NPBWR1: variants seen among roughly 807,000 people sequenced by gnomAD.
NPBWR1 encodes the protein neuropeptides B and W receptor 1, also known as neuropeptides B/W receptor type 1.
NPBWR1 carries 4 observed loss-of-function variants against 2.8 expected under a neutral mutation model. That is an observed-to-expected ratio of 1.44 (90% confidence interval 0.71 to 3.29). The LOEUF (loss-of-function observed/expected upper bound fraction) is 3.29. Among genes scored for constraint, NPBWR1 ranks in the 30% most tolerant of loss-of-function variants. The pLI is 0.01. For missense variants in NPBWR1, 545 were observed against 462.5 expected (o/e 1.18, Z -1.64); for synonymous variants, 250 against 224.5 (o/e 1.11, Z -1.02).
Position 52,940,025 on chromosome 8 carries a change from G to C in NPBWR1, c.118G>C (p.Val40Leu), listed in dbSNP as rs200807376. The C allele has an allele frequency of 6.2e-7, 1 of 1,606,088 alleles. No individual in the cohort carries two copies. The highest frequency in any genetic ancestry group is 2.2e-5 in the East Asian group (1 of 44,838). The stretch of plus-strand genomic sequence containing the variant: ...GCTGCCGGCGCCGCTGGCGGTGGCT[G>C]TACCAGTTGTCTACGCGGTGATCTG... ...APLPAPLAVA[V>L]PVVYAVICAV... is the part of the protein sequence containing the mutation. Residue 40 changes from valine to leucine, a missense_variant, in exon 2 of 2, where the codon GTA (valine) becomes CTA (leucine). By Grantham distance (32) the Val-to-Leu change is conservative. Coordinates refer to ENST00000674939, the MANE Select transcript of NPBWR1 (RefSeq NM_005285.5).
chr8:52,940,371 C>T lies in NPBWR1; in HGVS notation c.464C>T (p.Ala155Val), dbSNP rs749951590. 1.2e-6 allele frequency: 2 copies of T among 1,605,154 alleles called. No individual in the cohort carries two copies. The highest frequency in any genetic ancestry group is 1.3e-5 in the African/African-American group (1 of 74,972). The change falls in exon 2 of 2, where the codon GCG becomes GTG. Residue 155 changes from alanine (A) to valine (V), a missense_variant. By Grantham distance (64) the Ala-to-Val change is moderately conservative. Transcript: ENST00000674939. Reference protein sequence around the residue: ...RRVAGRTYSAARAVSLAVWGI... With the variant: ...RRVAGRTYSAVRAVSLAVWGI... The stretch of plus-strand genomic sequence containing the variant: ...GTGGCCGGCCGCACCTACAGCGCCG[C>T]GCGCGCGGTGAGCCTGGCCGTGTGG...
rs1163879449 is a variant in NPBWR1 at position 52,941,059 on chromosome 8, G to T, written c.*165G>T. 2 of 954,638 alleles carry T rather than the reference G, an allele frequency of 2.1e-6. No individual in the cohort carries two copies. Among genetic ancestry groups the T allele is most frequent in the East Asian group, 5.3e-5 (2 of 37,738 alleles). 59.1% of individuals were successfully genotyped at this position (954,638 alleles called of 1,614,324 possible). A position where few individuals can be genotyped will look rare whatever the true frequency, so the allele number is the denominator to read the frequency against. On this transcript the variant is annotated 3_prime_UTR_variant, in exon 2 of 2. Coordinates refer to ENST00000674939, the MANE Select transcript of NPBWR1 (RefSeq NM_005285.5). Reference sequence around the variant, plus strand: ...GGAAGCGCTGCGACTGTGCCCGCAGGTTGACCTTGCCAAGCCCTCCAGGTG... The same window carrying T: ...GGAAGCGCTGCGACTGTGCCCGCAGTTTGACCTTGCCAAGCCCTCCAGGTG...
chr8:52,939,747 G>T lies in NPBWR1; in HGVS notation c.-161G>T. ...CGCGGCGACATTGGGCCGTGGGGTG[G>T]CTGGGAACGGTCCCCTCCTCCGGAA... is the stretch of plus-strand genomic sequence containing the variant. On this transcript the variant is annotated 5_prime_UTR_variant, in exon 2 of 2. Coordinates refer to ENST00000674939, the MANE Select transcript of NPBWR1 (RefSeq NM_005285.5). 2.7e-6 allele frequency: 2 copies of T among 750,214 alleles called. No individual in the cohort carries two copies. Among genetic ancestry groups the T allele is most frequent in the East Asian group, 2.9e-5 (1 of 34,816 alleles). The allele number at this position is 750,214 out of a possible 1,614,324, so 46.5% of individuals were successfully genotyped here.
chr8:52,939,474 A>C, intron 1 of NPBWR1, 108 bp downstream of exon 1: 1 of 161,142 alleles, frequency 6.2e-6, no homozygotes, highest in Non-Finnish European at 1.3e-5. Flanking sequence ...GGTCTACGGA[A>C]GTTTCCTGAA....
In NPBWR1 at chr8:52,941,228, C is replaced by T; in HGVS notation, c.*334C>T. ...CCCCTCCCTGCCCTGCTCCCTGCTGCCCCACCCGAGCCCTGGCAGTCTGGA... is the reference window on the plus strand; with the variant it reads ...CCCCTCCCTGCCCTGCTCCCTGCTGTCCCACCCGAGCCCTGGCAGTCTGGA... On this transcript the variant is annotated 3_prime_UTR_variant, in exon 2 of 2. Coordinates refer to ENST00000674939, the MANE Select transcript of NPBWR1 (RefSeq NM_005285.5). 1 of 281,180 alleles carries T rather than the reference C, an allele frequency of 3.6e-6. No homozygotes were observed. Among genetic ancestry groups the T allele is most frequent in the Non-Finnish European group, 6.6e-6 (1 of 150,806 alleles). 17.4% of individuals were successfully genotyped at this position (281,180 alleles called of 1,614,324 possible). A position where few individuals can be genotyped will look rare whatever the true frequency, so the allele number is the denominator to read the frequency against.
In NPBWR1 at chr8:52,940,438, C is replaced by T. The variant is rs758997404; in HGVS notation, c.531C>T (p.Ala177=). 21 of 1,595,478 alleles carry T rather than the reference C, an allele frequency of 1.3e-5. No individual in the cohort carries two copies. The highest frequency in any genetic ancestry group is 5.1e-5 in the Admixed American group (3 of 58,930). Reference sequence around the variant, plus strand: ...TCGTGCTGCCCTTCGCAGTCTTCGCCCGGCTAGACGACGAGCAGGGCCGGC... The same window carrying T: ...TCGTGCTGCCCTTCGCAGTCTTCGCTCGGCTAGACGACGAGCAGGGCCGGC... ...TLVVLPFAVF[A]RLDDEQGRRQ... is the part of the protein sequence containing the mutation. The change falls in exon 2 of 2, where the codon GCC becomes GCT. Residue 177 remains alanine (A), a synonymous_variant. Transcript: ENST00000674939.
In NPBWR1 at chr8:52,942,451, T is replaced by C. The variant is rs766504876; in HGVS notation, c.*1557T>C. Among the ~76,000 whole-genome samples, 4 of 152,188 alleles carry C rather than the reference T, an allele frequency of 2.6e-5. No individual in the cohort carries two copies. The highest frequency in any genetic ancestry group is 5.9e-5 in the Non-Finnish European group (4 of 68,024). On this transcript the variant is annotated 3_prime_UTR_variant, in exon 2 of 2. Coordinates refer to ENST00000674939, the MANE Select transcript of NPBWR1 (RefSeq NM_005285.5). ...TAATTGATTATGGTGTTTTAAAAGG[T>C]ATTAATCTTTAGGATGAAGTCCAAA...
chr8:52,940,126 C>G lies in NPBWR1; in HGVS notation c.219C>G (p.Asn73Lys). ...CGCCCCGCATGAAGACCGTCACCAA[C>G]CTGTTCATCCTCAACCTGGCCATCG... ...LRAPRMKTVT[N>K]LFILNLAIAD... Residue 73 changes from asparagine (N) to lysine (K), a missense_variant, in exon 2 of 2, where the codon AAC becomes AAG. By Grantham distance (94) the Asn-to-Lys change is moderately conservative. Coordinates refer to ENST00000674939, the MANE Select transcript of NPBWR1 (RefSeq NM_005285.5). 1 of 1,613,274 alleles carries G rather than the reference C, an allele frequency of 6.2e-7. No homozygotes were observed. Among genetic ancestry groups the G allele is most frequent in the Non-Finnish European group, 8.5e-7 (1 of 1,180,004 alleles).
In NPBWR1 at chr8:52,942,669, C is replaced by G; in HGVS notation, c.*1775C>G. Among the ~76,000 whole-genome samples, 1 of 152,192 alleles carries G rather than the reference C, an allele frequency of 6.6e-6. No homozygotes were observed. Among genetic ancestry groups the G allele is most frequent in the Non-Finnish European group, 1.5e-5 (1 of 68,040 alleles). ...CTTGGAATGGGGGGAAGCAAACCCCCTCTCTAATTTTGGTGAATAAGAATT... is the reference window on the plus strand; with the variant it reads ...CTTGGAATGGGGGGAAGCAAACCCCGTCTCTAATTTTGGTGAATAAGAATT... On this transcript the variant is annotated 3_prime_UTR_variant, in exon 2 of 2. Coordinates refer to ENST00000674939, the MANE Select transcript of NPBWR1 (RefSeq NM_005285.5).
In NPBWR1 at chr8:52,940,282, C is replaced by G. The variant is rs1325458370; in HGVS notation, c.375C>G (p.Tyr125Ter). ...AGTACAACACCTTCTCCAGCCTCTA[C>G]TTCCTCACCGTCATGAGCGCCGACC... is the stretch of plus-strand genomic sequence containing the variant. ...IDQYNTFSSL[Y>*]FLTVMSADRY... is the part of the protein sequence containing the mutation. The change falls in exon 2 of 2, where the codon TAC becomes TAG. Residue 125 changes from tyrosine (Y) to a stop codon, truncating the protein, a stop_gained. Coordinates refer to ENST00000674939, the MANE Select transcript of NPBWR1 (RefSeq NM_005285.5). LOFTEE classifies it low-confidence loss of function (END_TRUNC). The G allele has an allele frequency of 1.2e-6, 2 of 1,613,256 alleles. No individual in the cohort carries two copies. Among genetic ancestry groups the G allele is most frequent in the Non-Finnish European group, 1.7e-6 (2 of 1,179,984 alleles).
Position 52,941,678 on chromosome 8 carries a change from T to C in NPBWR1, c.*784T>C, listed in dbSNP as rs138755250. Among the ~76,000 whole-genome samples, 7 of 152,360 alleles carry C rather than the reference T, an allele frequency of 4.6e-5. No individual in the cohort carries two copies. The South Asian group carries it at 6.2e-4, about 14-fold the overall frequency. ...CCTTCTTTCTGTCTGCCCCTACTCC[T>C]TTTCTTTGCCTTTTCCCTTTCCTAT... On this transcript the variant is annotated 3_prime_UTR_variant, in exon 2 of 2. Coordinates refer to ENST00000674939, the MANE Select transcript of NPBWR1 (RefSeq NM_005285.5).
rs1289022446 is a variant in NPBWR1 at position 52,943,387 on chromosome 8, G to T, written c.*2493G>T. ...TAAACTGTTGTATCATTATTTCTAGGTCGTTGCCCTTCATACGAGCATGTA... is the reference window on the plus strand; with the variant it reads ...TAAACTGTTGTATCATTATTTCTAGTTCGTTGCCCTTCATACGAGCATGTA... On this transcript the variant is annotated 3_prime_UTR_variant, in exon 2 of 2. Coordinates refer to ENST00000674939, the MANE Select transcript of NPBWR1 (RefSeq NM_005285.5). Among the ~76,000 whole-genome samples, 1 of 152,172 alleles carries T rather than the reference G, an allele frequency of 6.6e-6. No individual in the cohort carries two copies. Among genetic ancestry groups the T allele is most frequent in the Non-Finnish European group, 1.5e-5 (1 of 68,030 alleles).
In NPBWR1 at chr8:52,940,176, T is replaced by C. The variant is rs1021863184; in HGVS notation, c.269T>C (p.Leu90Pro). ...GCCGACGAGCTCTTCACGCTGGTGC[T>C]GCCCATCAACATCGCCGACTTCCTG... Reference protein sequence around the residue: ...AIADELFTLVLPINIADFLLR... With the variant: ...AIADELFTLVPPINIADFLLR... The change falls in exon 2 of 2, where the codon CTG becomes CCG. Residue 90 changes from leucine (L) to proline (P), a missense_variant. Leu to Pro is a moderately conservative substitution (Grantham distance 98). Transcript: ENST00000674939. The C allele has an allele frequency of 6.2e-7, 1 of 1,613,672 alleles. No individual in the cohort carries two copies.
In NPBWR1 at chr8:52,939,741, G is replaced by A. The variant is rs1860153450; in HGVS notation, c.-167G>A. 2.9e-6 allele frequency: 2 copies of A among 694,614 alleles called. No individual in the cohort carries two copies. The highest frequency in any genetic ancestry group is 1.8e-5 in the African/African-American group (1 of 54,844). 43.0% of individuals were successfully genotyped at this position (694,614 alleles called of 1,614,324 possible). On this transcript the variant is annotated 5_prime_UTR_variant, in exon 2 of 2. Coordinates refer to ENST00000674939, the MANE Select transcript of NPBWR1 (RefSeq NM_005285.5). ...TGAGTCCGCGGCGACATTGGGCCGT[G>A]GGGTGGCTGGGAACGGTCCCCTCCT...
chr8:52,940,408 ACTCGT>A lies in NPBWR1; in HGVS notation c.503_507del (p.Leu168ArgfsTer191), dbSNP rs1251857356. ...GCCTGGCCGTGTGGGGGATCGTCAC[ACTCGT>A]CGTGCTGCCCTTCGCAGTCTTCGCC... On this transcript the variant is annotated frameshift_variant, in exon 2 of 2. Coordinates refer to ENST00000674939, the MANE Select transcript of NPBWR1 (RefSeq NM_005285.5). LOFTEE classifies it low-confidence loss of function (END_TRUNC). The A allele has an allele frequency of 6.2e-7, 1 of 1,601,004 alleles. No homozygotes were observed. Among genetic ancestry groups the A allele is most frequent in the Non-Finnish European group, 8.5e-7 (1 of 1,178,534 alleles).
chr8:52,940,363 C>A lies in NPBWR1; in HGVS notation c.456C>A (p.Tyr152Ter). Residue 152 changes from tyrosine (Y) to a stop codon, truncating the protein, a stop_gained, in exon 2 of 2, where the codon TAC becomes TAA. Transcript: ENST00000674939. LOFTEE classifies it low-confidence loss of function (END_TRUNC). The part of the protein sequence containing the change: ...AESRRVAGRT[Y>*]SAARAVSLAV... ...CGCGCCGGGTGGCCGGCCGCACCTA[C>A]AGCGCCGCGCGCGCGGTGAGCCTGG... 6.2e-7 allele frequency: 1 copy of A among 1,606,080 alleles called. No homozygotes were observed. Among genetic ancestry groups the A allele is most frequent in the Non-Finnish European group, 8.5e-7 (1 of 1,178,718 alleles).
rs1860201596 is a variant in NPBWR1, at chr8:52,941,468, C to T, written c.*574C>T. 1.3e-5 allele frequency among the ~76,000 whole-genome samples: 2 copies of T among 152,178 alleles called. No individual in the cohort carries two copies. Among genetic ancestry groups the T allele is most frequent in the South Asian group, 4.1e-4 (2 of 4,834 alleles). ...CTTGGCCTGGCGCCGCGGGCGGGGA[C>T]CGCTGCCGAGGCCGCCAGCGCCTCT... On this transcript the variant is annotated 3_prime_UTR_variant, in exon 2 of 2. Coordinates refer to ENST00000674939, the MANE Select transcript of NPBWR1 (RefSeq NM_005285.5).
chr8:52,942,123 T>G lies in NPBWR1; in HGVS notation c.*1229T>G, dbSNP rs2128778367. Among the ~76,000 whole-genome samples the G allele has an allele frequency of 6.6e-6, 1 of 152,376 alleles. No individual in the cohort carries two copies. The highest frequency in any genetic ancestry group is 1.5e-5 in the Non-Finnish European group (1 of 68,042). On this transcript the variant is annotated 3_prime_UTR_variant, in exon 2 of 2. Transcript: ENST00000674939. ...CTCCTCTGCTTCCTTGGCTCCGCCTTAGGGAGAGCAGGAAGCAGGGATGAC... is the reference window on the plus strand; with the variant it reads ...CTCCTCTGCTTCCTTGGCTCCGCCTGAGGGAGAGCAGGAAGCAGGGATGAC...
chr8:52,940,795 C>G lies in NPBWR1; in HGVS notation c.888C>G (p.Ser296Arg), dbSNP rs1382953177. ...TCTCCTACTTCATCACCAGCCTGAGCTACGCCAACAGCTGCCTCAACCCCT... is the reference window on the plus strand; with the variant it reads ...TCTCCTACTTCATCACCAGCCTGAGGTACGCCAACAGCTGCCTCAACCCCT... ...IAISYFITSL[S>R]YANSCLNPFL... The change falls in exon 2 of 2, where the codon AGC (serine) becomes AGG (arginine). Residue 296 changes from serine to arginine, a missense_variant. Physicochemically the swap from Ser to Arg is moderately radical, Grantham distance 110 (BLOSUM62 -1). Coordinates refer to ENST00000674939, the MANE Select transcript of NPBWR1 (RefSeq NM_005285.5). 1 of 1,614,020 alleles carries G rather than the reference C, an allele frequency of 6.2e-7. No individual in the cohort carries two copies. Among genetic ancestry groups the G allele is most frequent in the East Asian group, 2.2e-5 (1 of 44,886 alleles).
Sources: gnomAD v4.1 joint callset for allele counts (sites outside exome capture counted in the v4.1 genomes callset) on GRCh38, gnomAD v4.1.1 for gene constraint, MANE v1.5 for transcripts, NCBI Gene and HGNC (gene_info 2026-07-23, HGNC 2026-07-21) for gene names.